Variants in GALNT13 observed in about 807,000 individuals in gnomAD.
GALNT13 encodes the protein UDP-GalNAc:polypeptide N-acetylgalactosaminyltransferase 13.
Under a neutral mutation model 64.2 loss-of-function variants are expected in GALNT13, and 28 were observed. That is an observed-to-expected ratio of 0.44 (90% CI 0.32 to 0.60). The LOEUF (loss-of-function observed/expected upper bound fraction) is 0.60. Ranked by LOEUF, GALNT13 falls within the 20% of genes least tolerant of loss-of-function variation. GALNT13 has a pLI of 0.05. For missense variants in GALNT13, 577 were observed against 669.8 expected (o/e 0.86, Z 1.53); for synonymous variants, 214 against 224.6 (o/e 0.95, Z 0.42).
chr2:153,577,445 C>T, the GALNT13 span, among the ~76,000 whole-genome samples: 6 of 151,870 alleles, frequency 4.0e-5, no homozygotes, highest in South Asian at 1.0e-3. Flanking sequence ...CTTAGTTTGC[C>T]TTTCTAGCTC....
intron 3 of GALNT13, among the ~76,000 whole-genome samples, chr2:154,064,168 A>T (rs190117442): frequency 6.6e-6 from 1 of 152,294 alleles, no homozygotes; most frequent in African/African-American, 2.4e-5. Context: ...GCCGACACTG[A>T]TGGAAGGAGC....
intron 4 of GALNT13, among the ~76,000 whole-genome samples, chr2:154,214,816 T>C (rs1687959259): frequency 6.6e-6 from 1 of 152,190 alleles, no homozygotes. Context: ...TATAGCAGTG[T>C]GAGAACAGAC....
chr2:153,893,738 C>T (rs1687713119), intron 1 of GALNT13, among the ~76,000 whole-genome samples: 1 of 151,922 alleles, frequency 6.6e-6, no homozygotes, highest in Non-Finnish European at 1.5e-5. Context: ...TATGGACAAG[C>T]CATAATTTAC....
chr2:153,104,508 A>G, the GALNT13 span, among the ~76,000 whole-genome samples: 48,434 of 152,102 alleles, frequency 0.32, 8,582 homozygotes, highest in South Asian at 0.45. Context: ...GGTTTACTGT[A>G]GTATCCACTG....
chr2:153,086,074 G>C, the GALNT13 span, among the ~76,000 whole-genome samples: 343 of 152,268 alleles, frequency 2.3e-3, no homozygotes, highest in African/African-American at 8.0e-3. Flanking sequence ...CTTTCATGGG[G>C]TCTGTAGCCC....
At chr2:154,076,631 T>C (rs760667170) in intron 3 of GALNT13, among the ~76,000 whole-genome samples, 3 of 151,670 alleles carry the variant, frequency 2.0e-5, no homozygotes, top group Non-Finnish European at 3.0e-5. Context: ...ACCCTAGAAA[T>C]TATTGTCCAA....
At chr2:153,332,964 G>C in the GALNT13 span, among the ~76,000 whole-genome samples, 800 of 152,270 alleles carry the variant, frequency 5.3e-3, 3 homozygotes, top group South Asian at 0.021. Flanking sequence ...AGCTATAGCA[G>C]TTGTCTTCCC....
chr2:154,125,689 T>G (rs1362062505), intron 3 of GALNT13, among the ~76,000 whole-genome samples: 2 of 152,220 alleles, frequency 1.3e-5, no homozygotes, highest in Non-Finnish European at 2.9e-5. Flanking sequence ...AGATTTTTTG[T>G]CAATCTTAAT....
the GALNT13 span, among the ~76,000 whole-genome samples, chr2:153,581,029 T>C: frequency 6.6e-6 from 1 of 152,198 alleles, no homozygotes; most frequent in African/African-American, 2.4e-5. Flanking sequence ...TACTTATACA[T>C]GTTCTATTAT....
At chr2:153,120,401 A>T in the GALNT13 span, among the ~76,000 whole-genome samples, 4 of 152,158 alleles carry the variant, frequency 2.6e-5, no homozygotes, top group African/African-American at 9.6e-5. Context: ...AATTATTTGG[A>T]TCTTTTAAGT....
intron 4 of GALNT13, among the ~76,000 whole-genome samples, chr2:154,165,194 A>G (rs73005461): frequency 0.072 from 10,989 of 152,202 alleles, 638 homozygotes; most frequent in African/African-American, 0.15. Context: ...AAAGAATAGA[A>G]TAATATAATC....
chr2:153,145,626 G>T, the GALNT13 span, among the ~76,000 whole-genome samples: 4 of 152,026 alleles, frequency 2.6e-5, no homozygotes, highest in East Asian at 7.8e-4. Flanking sequence ...GCACCTGGCA[G>T]AGATGGATTA....
At chr2:153,624,574 G>A in the GALNT13 span, among the ~76,000 whole-genome samples, 1 of 152,042 alleles carries the variant, frequency 6.6e-6, no homozygotes, top group Non-Finnish European at 1.5e-5. Context: ...ATGCAACAGA[G>A]CCAAGTAGAG....
the GALNT13 span, among the ~76,000 whole-genome samples, chr2:153,626,770 CA>C: frequency 1.8e-4 from 28 of 151,974 alleles, no homozygotes; most frequent in Admixed American, 2.6e-4. Flanking sequence ...TAAAACAAAA[CA>C]AAAACAAGAA....
chr2:153,596,508 A>G, the GALNT13 span, among the ~76,000 whole-genome samples: 2 of 152,150 alleles, frequency 1.3e-5, no homozygotes, highest in Non-Finnish European at 2.9e-5. Context: ...GCCGAAGATC[A>G]CCAAAAAAGT....
At chr2:153,193,625 A>G in the GALNT13 span, among the ~76,000 whole-genome samples, 1 of 149,146 alleles carries the variant, frequency 6.7e-6, no homozygotes, top group Non-Finnish European at 1.5e-5. Context: ...AAATAGGTTT[A>G]TAATAAATAA....
chr2:153,817,124 T>C, the GALNT13 span, among the ~76,000 whole-genome samples: 6 of 152,200 alleles, frequency 3.9e-5, no homozygotes, highest in Non-Finnish European at 7.3e-5. Context: ...CCTAAGCAAA[T>C]GGCTCAGAAC....
chr2:153,272,442 TG>T, the GALNT13 span, among the ~76,000 whole-genome samples: 2 of 149,282 alleles, frequency 1.3e-5, no homozygotes, highest in Non-Finnish European at 3.0e-5. Context: ...TATCAAAAAG[TG>T]GGTAAAGGAT....
At chr2:153,806,413 A>C in the GALNT13 span, among the ~76,000 whole-genome samples, 122,064 of 151,862 alleles carry the variant, frequency 0.8, 49,912 homozygotes, top group Admixed American at 0.86. Context: ...TACTGGGTGA[A>C]TAAATAACAG....
Sources: gnomAD v4.1 joint callset for allele counts (sites outside exome capture counted in the v4.1 genomes callset) on GRCh38, gnomAD v4.1.1 for gene constraint, MANE v1.5 for transcripts, NCBI Gene and HGNC (gene_info 2026-07-23, HGNC 2026-07-21) for gene names.